Variants in ADGRG2 observed in about 807,000 individuals in gnomAD.
The protein encoded by ADGRG2 is adhesion G protein-coupled receptor G2, also known as G protein-coupled receptor 64.
ADGRG2 carries 26 observed loss-of-function variants against 74.1 expected under a neutral mutation model. The ratio of observed to expected loss-of-function variants is 0.35; its 90% CI spans 0.26 to 0.49. The LOEUF (loss-of-function observed/expected upper bound fraction) is 0.49, where lower values mean the gene tolerates loss of function less well. Ranked by LOEUF, ADGRG2 falls within the 20% of genes least tolerant of loss-of-function variation. The pLI, the probability that ADGRG2 is intolerant of heterozygous loss-of-function variation, is 0.99. For missense variants in ADGRG2, 619 were observed against 763.1 expected (o/e 0.81, Z 2.22); for synonymous variants, 296 against 295.2 (o/e 1.00, Z -0.03).
At chrX:19,030,279 T>C (rs1335783848) in intron 9 of ADGRG2, among the ~76,000 whole-genome samples, 1 of 112,248 alleles carries the variant, frequency 8.9e-6, no homozygotes, top group East Asian at 2.8e-4. Context: ...AATATTTTTC[T>C]GTTTTTCACA....
At chrX:19,007,414 A>G (rs2146549032) in intron 19 of ADGRG2, 57 bp from the exon 20 acceptor site, 1 of 1,031,904 alleles carries the variant, frequency 9.7e-7, no homozygotes, top group South Asian at 2.0e-5. Context: ...TAGAGCTAGA[A>G]GGAACACTAA....
At chrX:19,041,272 C>G (rs1458775838) in intron 3 of ADGRG2, among the ~76,000 whole-genome samples, 8 of 111,450 alleles carry the variant, frequency 7.2e-5, no homozygotes, top group Non-Finnish European at 1.5e-4. Context: ...TGCAATAAAT[C>G]CTTTGGGCTA....
intron 3 of ADGRG2, among the ~76,000 whole-genome samples, chrX:19,051,740 G>A (rs1032942702): frequency 4.5e-5 from 5 of 111,293 alleles, no homozygotes; most frequent in African/African-American, 1.6e-4. Context: ...TGGGAACTGA[G>A]GTTCCTAGTC....
At chrX:19,049,553 C>T (rs2061275301) in intron 3 of ADGRG2, among the ~76,000 whole-genome samples, 2 of 108,428 alleles carry the variant, frequency 1.8e-5, no homozygotes, top group African/African-American at 3.4e-5. Flanking sequence ...GCTTCTCCAA[C>T]CCGCAGCCCA....
At chrX:19,020,067 T>C (rs1253768731) in intron 14 of ADGRG2, among the ~76,000 whole-genome samples, 1 of 111,436 alleles carries the variant, frequency 9.0e-6, no homozygotes, top group African/African-American at 3.3e-5. Context: ...TGCTGTTTAC[T>C]GGGGGTCAGA....
intron 1 of ADGRG2, among the ~76,000 whole-genome samples, chrX:19,115,232 C>T (rs748599039): frequency 4.5e-5 from 5 of 111,280 alleles, no homozygotes; most frequent in Non-Finnish European, 7.5e-5. Context: ...TAGGCTCATT[C>T]ATTCGGTCAT....
At chrX:19,086,334 C>A (rs2061935920) in intron 1 of ADGRG2, among the ~76,000 whole-genome samples, 1 of 111,493 alleles carries the variant, frequency 9.0e-6, no homozygotes, top group Non-Finnish European at 1.9e-5. Context: ...CAGAGAAGAA[C>A]AGCAAACTCA....
intron 1 of ADGRG2, among the ~76,000 whole-genome samples, chrX:19,092,780 G>A (rs1457579369): frequency 1.8e-5 from 2 of 111,926 alleles, no homozygotes; most frequent in African/African-American, 3.3e-5. Flanking sequence ...GGACCTTCAC[G>A]TTGACTTGTG....
intron 3 of ADGRG2, among the ~76,000 whole-genome samples, chrX:19,059,083 C>T (rs944708807): frequency 9.0e-6 from 1 of 111,003 alleles, no homozygotes; most frequent in African/African-American, 3.3e-5. Flanking sequence ...CTCGGGAGGT[C>T]GAGATGGGAG....
At chrX:19,003,979 T>C (rs1009481237) in intron 23 of ADGRG2, among the ~76,000 whole-genome samples, 3 of 112,337 alleles carry the variant, frequency 2.7e-5, no homozygotes, top group Non-Finnish European at 5.6e-5. Context: ...TTCTGAGTAA[T>C]GGCTGGCCTT....
chrX:19,078,792 T>C (rs756723490), intron 2 of ADGRG2, among the ~76,000 whole-genome samples: 7 of 102,754 alleles, frequency 6.8e-5, no homozygotes, highest in South Asian at 4.3e-4. Context: ...AAAAAGCATA[T>C]AATAAAAACA....
intron 3 of ADGRG2, among the ~76,000 whole-genome samples, chrX:19,049,809 C>T (rs2061282476): frequency 9.0e-6 from 1 of 111,144 alleles, no homozygotes; most frequent in African/African-American, 3.3e-5. Context: ...CTCCCCAACT[C>T]CACTAGTGTC....
intron 1 of ADGRG2, among the ~76,000 whole-genome samples, chrX:19,102,458 T>C (rs1428391754): frequency 9.1e-6 from 1 of 110,416 alleles, no homozygotes; most frequent in East Asian, 2.9e-4. Context: ...AGGTGCCCAG[T>C]GACCTCATAC....
intron 11 of ADGRG2, among the ~76,000 whole-genome samples, chrX:19,025,835 G>T (rs763534859): frequency 2.7e-5 from 3 of 110,300 alleles, no homozygotes; most frequent in East Asian, 5.8e-4. Flanking sequence ...GGTGGAGGTT[G>T]CAGTGAGCCG....
intron 1 of ADGRG2, among the ~76,000 whole-genome samples, chrX:19,091,686 T>A (rs1298624901): frequency 8.9e-6 from 1 of 111,960 alleles, no homozygotes; most frequent in African/African-American, 3.3e-5. Context: ...GGCTGCAGGA[T>A]TTCTGTTGCA....
intron 3 of ADGRG2, among the ~76,000 whole-genome samples, chrX:19,058,595 C>A (rs2061438496): frequency 9.0e-6 from 1 of 111,721 alleles, no homozygotes; most frequent in South Asian, 3.7e-4. Flanking sequence ...AATTAAAAAA[C>A]TCTATGCTGT....
intron 3 of ADGRG2, among the ~76,000 whole-genome samples, chrX:19,066,975 A>G (rs184210756): frequency 8.9e-6 from 1 of 112,051 alleles, no homozygotes; most frequent in African/African-American, 3.2e-5. Context: ...ACATTTAAAA[A>G]CAAGTAAACA....
chrX:19,031,538 G>A (rs1237604703), intron 8 of ADGRG2: 1 of 113,554 alleles, frequency 8.8e-6, no homozygotes, highest in Non-Finnish European at 1.8e-5. Flanking sequence ...CATATTTGCT[G>A]AGCATTAACC....
intron 3 of ADGRG2, among the ~76,000 whole-genome samples, chrX:19,060,662 C>T (rs1261392201): frequency 9.1e-6 from 1 of 109,526 alleles, no homozygotes; most frequent in African/African-American, 3.3e-5. Flanking sequence ...ATTCTCCTGC[C>T]TCAGGCTCCT....
Sources: gnomAD v4.1 joint callset for allele counts (sites outside exome capture counted in the v4.1 genomes callset) on GRCh38, gnomAD v4.1.1 for gene constraint, MANE v1.5 for transcripts, NCBI Gene and HGNC (gene_info 2026-07-23, HGNC 2026-07-21) for gene names.